The following GPR39 variants were observed in gnomAD, a reference collection of about 807,000 sequenced individuals.
GPR39 encodes the protein zinc sensing receptor.
A neutral mutation model predicts 18.4 loss-of-function variants in GPR39; 23 were observed. That is an observed-to-expected ratio of 1.25 (90% CI 0.90 to 1.77). The LOEUF (loss-of-function observed/expected upper bound fraction) is 1.77. GPR39 is among the 40% of genes most tolerant of loss of function. GPR39 has a pLI of 0.00. For synonymous variants in GPR39, 280 were observed against 257.9 expected, an observed-to-expected ratio of 1.09 and a Z score of -0.82; for missense variants, 647 against 602.4, an observed-to-expected ratio of 1.07 and a Z score of -0.78.
chr2:132,543,283 C>T (rs1319914813), intron 1 of GPR39, among the ~76,000 whole-genome samples: 4 of 152,156 alleles, frequency 2.6e-5, no homozygotes. Flanking sequence ...TTCCAGTGTG[C>T]TTTCAGGCCC....
chr2:132,593,256 T>C (rs979793643), intron 1 of GPR39, among the ~76,000 whole-genome samples: 33 of 152,136 alleles, frequency 2.2e-4, no homozygotes, highest in Non-Finnish European at 4.7e-4. Flanking sequence ...GCCTGATTGA[T>C]TGAATCATAG....
chr2:132,419,400 CTGTT>C (rs137930899), intron 1 of GPR39, among the ~76,000 whole-genome samples: 2,668 of 152,308 alleles, frequency 0.018, 23 homozygotes, highest in Middle Eastern at 0.034. Flanking sequence ...AAATGCATGT[CTGTT>C]TGTGACTTTC....
chr2:132,534,335 A>C (rs1463878201), intron 1 of GPR39, among the ~76,000 whole-genome samples: 2 of 150,568 alleles, frequency 1.3e-5, no homozygotes, highest in African/African-American at 4.9e-5. Flanking sequence ...AAAGTCAGGA[A>C]ACAACAGGTG....
intron 1 of GPR39, among the ~76,000 whole-genome samples, chr2:132,615,439 T>C (rs1163679463): frequency 2.0e-5 from 3 of 152,138 alleles, no homozygotes; most frequent in Non-Finnish European, 4.4e-5. Context: ...TCTAAAAACT[T>C]TATTTCACCC....
At chr2:132,563,820 G>A (rs796828603) in intron 1 of GPR39, among the ~76,000 whole-genome samples, 1 of 150,554 alleles carries the variant, frequency 6.6e-6, no homozygotes, top group Non-Finnish European at 1.5e-5. Flanking sequence ...TAGGTGGCCT[G>A]GGCTGAGGAT....
At chr2:132,465,745 T>C (rs1680916975) in intron 1 of GPR39, among the ~76,000 whole-genome samples, 1 of 152,196 alleles carries the variant, frequency 6.6e-6, no homozygotes, top group African/African-American at 2.4e-5. Context: ...GAGGTGGGTT[T>C]CTTTTTTTGC....
Position 132,493,423 on chromosome 2 carries a change from C to T in GPR39, c.856+75525C>T, listed in dbSNP as rs151193599. ...CATATATATACACTATATATACACA[C>T]GCCATATATACACACACCATATATA... On this transcript the variant is annotated intron_variant, in intron 1 of 1. Transcript: ENST00000329321. Among the ~76,000 whole-genome samples, 1,350 of 145,454 alleles carry T rather than the reference C, an allele frequency of 9.3e-3. 19 individuals carry two copies. Among genetic ancestry groups the T allele is most frequent in the African/African-American group, 0.032 (1,272 of 39,318 alleles).
At chr2:132,544,739 C>G (rs1679912530) in intron 1 of GPR39, among the ~76,000 whole-genome samples, 1 of 152,128 alleles carries the variant, frequency 6.6e-6, no homozygotes, top group Non-Finnish European at 1.5e-5. Flanking sequence ...TGTCTCATGT[C>G]CAAGAAGAAT....
At chr2:132,547,042 A>G (rs1679963049) in intron 1 of GPR39, among the ~76,000 whole-genome samples, 1 of 151,804 alleles carries the variant, frequency 6.6e-6, no homozygotes, top group South Asian at 2.1e-4. Flanking sequence ...TGTGTTTCCT[A>G]TTTTCCGTTG....
chr2:132,467,550 C>G (rs945419067), intron 1 of GPR39, among the ~76,000 whole-genome samples: 1 of 152,072 alleles, frequency 6.6e-6, no homozygotes, highest in Non-Finnish European at 1.5e-5. Context: ...CATGTACCCT[C>G]TGAATCTAAA....
chr2:132,584,132 G>A (rs1680679191), intron 1 of GPR39, among the ~76,000 whole-genome samples: 1 of 152,120 alleles, frequency 6.6e-6, no homozygotes, highest in Non-Finnish European at 1.5e-5. Flanking sequence ...GTTGAACGTG[G>A]TGGGACAGTA....
chr2:132,485,803 C>A (rs1012858978), intron 1 of GPR39, among the ~76,000 whole-genome samples: 1 of 152,146 alleles, frequency 6.6e-6, no homozygotes, highest in Non-Finnish European at 1.5e-5. Context: ...CATCCGTGAA[C>A]GTTGGGATTA....
intron 1 of GPR39, among the ~76,000 whole-genome samples, chr2:132,567,969 T>C (rs1000359431): frequency 6.6e-6 from 1 of 152,112 alleles, no homozygotes; most frequent in Non-Finnish European, 1.5e-5. Flanking sequence ...CCCAGCCATG[T>C]GGAACTGTAA....
intron 1 of GPR39, among the ~76,000 whole-genome samples, chr2:132,486,226 T>C (rs924876708): frequency 3.3e-5 from 5 of 152,216 alleles, no homozygotes; most frequent in African/African-American, 1.2e-4. Context: ...CCTTCCAAGC[T>C]TTGTTGTTCC....
chr2:132,496,455 T>A (rs1681643468), intron 1 of GPR39, among the ~76,000 whole-genome samples: 1 of 152,152 alleles, frequency 6.6e-6, no homozygotes, highest in African/African-American at 2.4e-5. Flanking sequence ...AAAATAATAA[T>A]CAGTCACCTT....
chr2:132,631,352 A>C (rs1338140249), intron 1 of GPR39, among the ~76,000 whole-genome samples: 1 of 152,198 alleles, frequency 6.6e-6, no homozygotes, highest in Non-Finnish European at 1.5e-5. Context: ...CACCCCTATT[A>C]AAAGAAAAGC....
At chr2:132,611,628 G>GAAAA (rs35004928) in intron 1 of GPR39, among the ~76,000 whole-genome samples, 13 of 144,020 alleles carry the variant, frequency 9.0e-5, no homozygotes, top group Admixed American at 3.5e-4. Context: ...TTGATTTGCA[G>GAAAA]AAAAAAAAAA....
At chr2:132,605,629 G>A (rs768136279) in intron 1 of GPR39, among the ~76,000 whole-genome samples, 8 of 152,286 alleles carry the variant, frequency 5.3e-5, no homozygotes, top group East Asian at 1.9e-4. Context: ...TCTGTTATGC[G>A]TGGTTTTTAT....
chr2:132,511,923 G>A (rs1327340898), intron 1 of GPR39, among the ~76,000 whole-genome samples: 4 of 151,960 alleles, frequency 2.6e-5, no homozygotes, highest in Non-Finnish European at 4.4e-5. Context: ...CGTGCGTATC[G>A]AAAAGTGCAC....
Sources: gnomAD v4.1 joint callset for allele counts (sites outside exome capture counted in the v4.1 genomes callset) on GRCh38, gnomAD v4.1.1 for gene constraint, MANE v1.5 for transcripts, NCBI Gene and HGNC (gene_info 2026-07-23, HGNC 2026-07-21) for gene names.